SLC7A1: variants seen among roughly 807,000 people sequenced by gnomAD.
The protein encoded by SLC7A1 is solute carrier family 7 member 1, also known as high affinity cationic amino acid transporter 1.
In SLC7A1, 10 loss-of-function variants were observed where a neutral mutation model predicts 53.9. The ratio of observed to expected loss-of-function variants is 0.19; its 90% CI spans 0.11 to 0.31. The LOEUF (loss-of-function observed/expected upper bound fraction) is 0.31. SLC7A1 is among the 10% of genes least tolerant of loss of function. The probability of loss-of-function intolerance (pLI) is 1.00; values close to 1 mark genes in which losing one functional copy is unlikely to be tolerated. For synonymous variants in SLC7A1, 342 were observed against 338.7 expected, an observed-to-expected ratio of 1.01 and a Z score of -0.11; for missense variants, 525 against 827.2, an observed-to-expected ratio of 0.63 and a Z score of 4.48.
chr13:29,511,376 TTC>T lies in SLC7A1; in HGVS notation c.*3102_*3103del, dbSNP rs1384498675. 1 of 152,238 alleles carries T rather than the reference TTC, an allele frequency of 6.6e-6. No homozygotes were observed. Among genetic ancestry groups the T allele is most frequent in the Non-Finnish European group, 1.5e-5 (1 of 68,054 alleles). The allele number at this position is 152,238 out of a possible 1,614,324, so 9.4% of individuals were successfully genotyped here. A position where few individuals can be genotyped will look rare whatever the true frequency, so the allele number is the denominator to read the frequency against. On this transcript the variant is annotated 3_prime_UTR_variant, in exon 13 of 13. Transcript: ENST00000380752. ...CAAAAGTGGGGGGAGATCTCAGCAA[TTC>T]TGACAACAGTATACATTTAGCGACC... is the stretch of plus-strand genomic sequence containing the variant.
chr13:29,562,647 TATC>T (rs2139153900), intron 1 of SLC7A1, among the ~76,000 whole-genome samples: 1 of 152,310 alleles, frequency 6.6e-6, no homozygotes, highest in African/African-American at 2.4e-5. Flanking sequence ...CTCGCACAGT[TATC>T]ATTGTTGTGG....
At chr13:29,586,156 T>C (rs1219165111) in intron 1 of SLC7A1, among the ~76,000 whole-genome samples, 2 of 152,258 alleles carry the variant, frequency 1.3e-5, no homozygotes, top group African/African-American at 4.8e-5. Context: ...ATTCACAGTA[T>C]AATTTGTACC....
At chr13:29,542,454 CA>C (rs36035912) in intron 2 of SLC7A1, among the ~76,000 whole-genome samples, 9 of 150,390 alleles carry the variant, frequency 6.0e-5, no homozygotes, top group African/African-American at 1.5e-4. Flanking sequence ...AAATCTGTCT[CA>C]AAAAAAAAGA....
intron 3 of SLC7A1, among the ~76,000 whole-genome samples, chr13:29,534,211 A>T (rs1869303450): frequency 6.6e-6 from 1 of 152,198 alleles, no homozygotes; most frequent in East Asian, 1.9e-4. Context: ...GTTTGCTGGA[A>T]AAACTGCCCT....
Position 29,523,250 on chromosome 13 carries a change from C to T in SLC7A1, c.1049+16G>A, listed in dbSNP as rs1433752343. ...GTTCCACCCCTAGGAGCAGCCACCA[C>T]AGAAAGGCCTCTCACCTGGCGGAAA... is the stretch of plus-strand genomic sequence containing the variant. On this transcript the variant is annotated intron_variant, in intron 7 of 12. Transcript: ENST00000380752. 3.0e-5 allele frequency: 49 copies of T among 1,608,560 alleles called. No individual in the cohort carries two copies. The highest frequency in any genetic ancestry group is 4.2e-5 in the Non-Finnish European group (49 of 1,177,004).
At chr13:29,566,729 A>G (rs547349310) in intron 1 of SLC7A1, among the ~76,000 whole-genome samples, 10 of 152,334 alleles carry the variant, frequency 6.6e-5, no homozygotes, top group Admixed American at 3.9e-4. Context: ...CTGAATTTAT[A>G]CTTTCAATAG....
intron 1 of SLC7A1, among the ~76,000 whole-genome samples, chr13:29,571,002 T>C (rs1400500989): frequency 1.3e-5 from 2 of 152,214 alleles, no homozygotes; most frequent in Non-Finnish European, 2.9e-5. Context: ...ATGTTAACTA[T>C]ATTACTATTA....
At chr13:29,539,358 A>G (rs1869564688) in intron 2 of SLC7A1, among the ~76,000 whole-genome samples, 1 of 152,156 alleles carries the variant, frequency 6.6e-6, no homozygotes, top group African/African-American at 2.4e-5. Context: ...AATGACGTCC[A>G]TGGAGGTGCG....
At chr13:29,576,633 G>A (rs575506586) in intron 1 of SLC7A1, among the ~76,000 whole-genome samples, 8 of 152,296 alleles carry the variant, frequency 5.3e-5, no homozygotes, top group East Asian at 1.9e-4. Flanking sequence ...TTTGCTGAGC[G>A]GCCTTGTTCC....
chr13:29,579,849 G>A (rs766350778), intron 1 of SLC7A1, among the ~76,000 whole-genome samples: 14 of 152,122 alleles, frequency 9.2e-5, no homozygotes, highest in Non-Finnish European at 8.8e-5. Context: ...CCTTCTGGTC[G>A]AACCGGTGCC....
intron 1 of SLC7A1, 42 bp from the exon 2 acceptor site, chr13:29,553,902 C>T (rs551471782): frequency 6.6e-6 from 1 of 151,784 alleles, no homozygotes; most frequent in Non-Finnish European, 1.5e-5. Context: ...TCAGTTTCAA[C>T]CTCAGAATCT....
At chr13:29,544,845 G>A (rs930889281) in intron 2 of SLC7A1, among the ~76,000 whole-genome samples, 1 of 139,158 alleles carries the variant, frequency 7.2e-6, no homozygotes, top group Non-Finnish European at 1.6e-5. Context: ...AGGGGGCACA[G>A]GTGACATCGC....
rs1182003976 is a variant in SLC7A1, at chr13:29,510,393, ACAGTAAT to A, written c.*4080_*4086del. On this transcript the variant is annotated 3_prime_UTR_variant, in exon 13 of 13. Coordinates refer to ENST00000380752, the MANE Select transcript of SLC7A1 (RefSeq NM_003045.5). ...TGTAGCTTCTTGCACCACTGGATCA[ACAGTAAT>A]CAATTTCATGACTCGGATAAGGTCC... is the stretch of plus-strand genomic sequence containing the variant. 21 of 152,762 alleles carry A rather than the reference ACAGTAAT, an allele frequency of 1.4e-4. No homozygotes were observed. Among genetic ancestry groups the A allele is most frequent in the African/African-American group, 4.8e-4 (20 of 41,574 alleles). 9.5% of individuals were successfully genotyped at this position (152,762 alleles called of 1,614,324 possible).
chr13:29,546,637 C>A (rs1474459360), intron 2 of SLC7A1, among the ~76,000 whole-genome samples: 1 of 152,266 alleles, frequency 6.6e-6, no homozygotes, highest in East Asian at 1.9e-4. Flanking sequence ...CACACATAGG[C>A]CTGGGAACAC....
At chr13:29,552,867 C>T (rs1353946135) in intron 2 of SLC7A1, among the ~76,000 whole-genome samples, 1 of 152,202 alleles carries the variant, frequency 6.6e-6, no homozygotes, top group Non-Finnish European at 1.5e-5. Flanking sequence ...TCTTCAATTC[C>T]TCTAGCGCCG....
chr13:29,517,398 A>G (rs1231940233), intron 10 of SLC7A1, 88 bp from the exon 11 acceptor site: 6 of 1,403,466 alleles, frequency 4.3e-6, no homozygotes, highest in Non-Finnish European at 2.9e-6. Flanking sequence ...AAACTTGTGG[A>G]GAGAGAGGCT....
rs565936067 is a variant in SLC7A1 at position 29,537,050 on chromosome 13, G to A, written c.-14-848C>T. The stretch of plus-strand genomic sequence containing the variant: ...TCCAACCTACGGGCCCACCTTGCCC[G>A]ACCAGATGCGACAGGTGAGCCCTTG... On this transcript the variant is annotated intron_variant, in intron 2 of 12. Coordinates refer to ENST00000380752, the MANE Select transcript of SLC7A1 (RefSeq NM_003045.5). Among the ~76,000 whole-genome samples the A allele has an allele frequency of 7.9e-5, 12 of 152,300 alleles. No individual in the cohort carries two copies. In the East Asian group the frequency reaches 1.9e-3, roughly 24 times the overall value.
chr13:29,542,182 C>T (rs550248069), intron 2 of SLC7A1, among the ~76,000 whole-genome samples: 3 of 152,320 alleles, frequency 2.0e-5, no homozygotes, highest in South Asian at 2.1e-4. Flanking sequence ...CGGCCAGGCG[C>T]GGTGGCTCAC....
chr13:29,568,936 A>G (rs1871081609), intron 1 of SLC7A1, among the ~76,000 whole-genome samples: 1 of 152,326 alleles, frequency 6.6e-6, no homozygotes, highest in East Asian at 1.9e-4. Flanking sequence ...AAGCAAGCGA[A>G]GGAAGATTAC....
Sources: allele counts gnomAD v4.1 joint callset (sites outside exome capture counted in the v4.1 genomes callset), GRCh38; gene constraint gnomAD v4.1.1; transcripts MANE v1.5; gene names NCBI Gene and HGNC (gene_info 2026-07-23, HGNC 2026-07-21).